Variants in RECQL observed in about 807,000 individuals in gnomAD.
RECQL encodes ATP-dependent DNA helicase Q1.
A neutral mutation model predicts 75.8 loss-of-function variants in RECQL; 73 were observed. The ratio of observed to expected loss-of-function variants is 0.96; its 90% confidence interval spans 0.80 to 1.17. RECQL has a LOEUF of 1.17. RECQL is among the 50% of genes most tolerant of loss of function. RECQL has a pLI of 0.00. For synonymous variants in RECQL, 248 were observed against 254.4 expected, an observed-to-expected ratio of 0.97 and a Z score of 0.24; for missense variants, 699 against 772.1, an observed-to-expected ratio of 0.91 and a Z score of 1.12.
intron 2 of RECQL, among the ~76,000 whole-genome samples, chr12:21,498,107 T>A (rs977586501): frequency 6.6e-6 from 1 of 152,212 alleles, no homozygotes; most frequent in Non-Finnish European, 1.5e-5. Context: ...AAAGAACTCA[T>A]TTACAGCAAA....
chr12:21,487,810 C>T (rs1161006813), intron 4 of RECQL, among the ~76,000 whole-genome samples: 1 of 152,080 alleles, frequency 6.6e-6, no homozygotes, highest in Non-Finnish European at 1.5e-5. Flanking sequence ...CCTTTCTTTG[C>T]CGCCATGTGA....
At chr12:21,490,561 CAT>C (rs1200957674) in intron 3 of RECQL, among the ~76,000 whole-genome samples, 183 bp from the exon 4 acceptor site, 1 of 152,126 alleles carries the variant, frequency 6.6e-6, no homozygotes, top group African/African-American at 2.4e-5. Flanking sequence ...TATTATAAGA[CAT>C]AGTAGGCATG....
Position 21,490,200 on chromosome 12 carries a change from AT to A in RECQL, c.392del (p.Asp131ValfsTer10). 6.2e-7 allele frequency: 1 copy of A among 1,602,536 alleles called. No homozygotes were observed. The highest frequency in any genetic ancestry group is 1.1e-5 in the South Asian group (1 of 89,836). On this transcript the variant is annotated frameshift_variant and splice_region_variant, in exon 4 of 15. Transcript: ENST00000444129. LOFTEE classifies it high-confidence loss of function. ...LCYQLPALCS[D>X]GFTLVICPLI... Reference sequence around the variant, plus strand: ...AAAATTAATTTTTTTAGTACATACCATCTGAACATAATGCTGGTAACTGGTA... The same window carrying A: ...AAAATTAATTTTTTTAGTACATACCACTGAACATAATGCTGGTAACTGGTA...
intron 2 of RECQL, among the ~76,000 whole-genome samples, chr12:21,494,878 C>T (rs1943476688): frequency 2.6e-5 from 4 of 152,262 alleles, no homozygotes; most frequent in South Asian, 4.1e-4. Flanking sequence ...CCTGATTCAA[C>T]GACAATGATG....
intron 5 of RECQL, among the ~76,000 whole-genome samples, chr12:21,486,226 T>C (rs1943293206): frequency 6.6e-6 from 1 of 152,224 alleles, no homozygotes; most frequent in South Asian, 2.1e-4. Flanking sequence ...GAAACTTGAA[T>C]TGCAAATAAT....
At chr12:21,498,752 A>T (rs1943553492) in intron 2 of RECQL, among the ~76,000 whole-genome samples, 1 of 152,182 alleles carries the variant, frequency 6.6e-6, no homozygotes, top group Admixed American at 6.5e-5. Context: ...AATATAGGAA[A>T]CTACTAAGGC....
In RECQL at chr12:21,473,551, CACT is replaced by C. The variant is rs762926806; in HGVS notation, c.1444_1446del (p.Ser482del). ...AAGGTTTACAAAACAACAAACTCAC[CACT>C]GTCTTTACAGCAGTTATCGCACATT... On this transcript the variant is annotated inframe_deletion and splice_region_variant, in exon 12 of 15. Coordinates refer to ENST00000444129, the MANE Select transcript of RECQL (RefSeq NM_002907.4). 1.2e-5 allele frequency: 20 copies of C among 1,610,378 alleles called. No individual in the cohort carries two copies. Among genetic ancestry groups the C allele is most frequent in the Admixed American group, 3.3e-5 (2 of 59,798 alleles).
chr12:21,470,021 C>G lies in RECQL; in HGVS notation c.*173G>C. On this transcript the variant is annotated 3_prime_UTR_variant, in exon 15 of 15. Coordinates refer to ENST00000444129, the MANE Select transcript of RECQL (RefSeq NM_002907.4). ...TGGAAAATTATATAATTCATGATCT[C>G]TAATTTTCAAACATTCTCAAAAGTT... The G allele has an allele frequency of 1.3e-6, 1 of 770,784 alleles. No individual in the cohort carries two copies. Among genetic ancestry groups the G allele is most frequent in the East Asian group, 3.3e-5 (1 of 30,392 alleles). 47.7% of individuals were successfully genotyped at this position (770,784 alleles called of 1,614,324 possible). A position where few individuals can be genotyped will look rare whatever the true frequency, so the allele number is the denominator to read the frequency against.
At chr12:21,487,280 T>G (rs17627102) in intron 4 of RECQL, among the ~76,000 whole-genome samples, 23,693 of 152,128 alleles carry the variant, frequency 0.16, 2,189 homozygotes, top group Middle Eastern at 0.27. Flanking sequence ...TATAAAGCTT[T>G]CCAAAAAAAC....
At chr12:21,499,728 T>C in intron 1 of RECQL, 113 bp from the exon 2 acceptor site, 1 of 569,180 alleles carries the variant, frequency 1.8e-6, no homozygotes, top group Non-Finnish European at 3.1e-6. Context: ...GAAAGTAAAT[T>C]ATATATTGCA....
At chr12:21,486,903 G>A (rs902004239) in intron 4 of RECQL, among the ~76,000 whole-genome samples, 6 of 151,808 alleles carry the variant, frequency 4.0e-5, no homozygotes, top group African/African-American at 1.2e-4. Context: ...AAACTCCTGA[G>A]CTCAGGCAAT....
At chr12:21,471,802 A>G in intron 12 of RECQL, among the ~76,000 whole-genome samples, 155 bp from the exon 13 acceptor site, 1 of 111,744 alleles carries the variant, frequency 8.9e-6, no homozygotes, top group South Asian at 2.4e-4. Flanking sequence ...AGACTAGGCT[A>G]TTCCTCAAGT....
rs372133580 is a variant in RECQL, at chr12:21,471,739, G to A, written c.1448-92C>T. ...TAAGTAGTTAAACTGGTTTAAAGCTGGTTATCAATGTGAGCCACCCTAAAC... is the reference window on the plus strand; with the variant it reads ...TAAGTAGTTAAACTGGTTTAAAGCTAGTTATCAATGTGAGCCACCCTAAAC... On this transcript the variant is annotated intron_variant, in intron 12 of 14. Transcript: ENST00000444129. The A allele has an allele frequency of 2.6e-4, 251 of 957,052 alleles. No homozygotes were observed. In the African/African-American group the frequency reaches 3.2e-3, roughly 12 times the overall value. The allele number at this position is 957,052 out of a possible 1,614,324, so 59.3% of individuals were successfully genotyped here. A position where few individuals can be genotyped will look rare whatever the true frequency, so the allele number is the denominator to read the frequency against.
intron 2 of RECQL, among the ~76,000 whole-genome samples, chr12:21,498,226 T>C (rs1943544115): frequency 6.6e-6 from 1 of 152,204 alleles, no homozygotes; most frequent in South Asian, 2.1e-4. Flanking sequence ...TTTTGCAGAC[T>C]CAATTATGCT....
chr12:21,494,579 G>C (rs576114224), intron 2 of RECQL, among the ~76,000 whole-genome samples: 1 of 152,270 alleles, frequency 6.6e-6, no homozygotes, highest in African/African-American at 2.4e-5. Context: ...CAGGTATAGA[G>C]TCCAGTGAGG....
intron 12 of RECQL, among the ~76,000 whole-genome samples, chr12:21,472,402 A>G (rs1381140822): frequency 1.3e-5 from 2 of 152,098 alleles, no homozygotes; most frequent in African/African-American, 2.4e-5. Flanking sequence ...AGTATAGGAA[A>G]ATGGCGGCTC....
chr12:21,484,164 A>G (rs1943246035), intron 5 of RECQL, among the ~76,000 whole-genome samples: 1 of 152,124 alleles, frequency 6.6e-6, no homozygotes, highest in Admixed American at 6.5e-5. Flanking sequence ...AATTCTATAC[A>G]ATACTTAGCA....
intron 6 of RECQL, among the ~76,000 whole-genome samples, chr12:21,480,038 G>A (rs946900728): frequency 6.6e-6 from 1 of 152,148 alleles, no homozygotes; most frequent in Non-Finnish European, 1.5e-5. Context: ...TATAATTCAA[G>A]CAAAGAAACA....
intron 2 of RECQL, among the ~76,000 whole-genome samples, chr12:21,493,176 T>C (rs1184326523): frequency 6.6e-6 from 1 of 152,218 alleles, no homozygotes; most frequent in Non-Finnish European, 1.5e-5. Flanking sequence ...CACATAGAAC[T>C]GGCTTTCTGA....
Sources: gnomAD v4.1 joint callset for allele counts (sites outside exome capture counted in the v4.1 genomes callset) on GRCh38, gnomAD v4.1.1 for gene constraint, MANE v1.5 for transcripts, NCBI Gene and HGNC (gene_info 2026-07-23, HGNC 2026-07-21) for gene names.